Variants in CCDC7 observed in about 807,000 individuals in gnomAD.
CCDC7 encodes the protein coiled-coil domain containing 7.
In CCDC7, 183 loss-of-function variants were observed where a neutral mutation model predicts 196.9. The ratio of observed to expected loss-of-function variants is 0.93; its 90% CI spans 0.82 to 1.05. The LOEUF (loss-of-function observed/expected upper bound fraction) is 1.05, where lower values mean the gene tolerates loss of function less well. Ranked by LOEUF, CCDC7 falls within the 50% of genes least tolerant of loss-of-function variation. The pLI is 0.00. For synonymous variants in CCDC7, 525 were observed against 484.6 expected (o/e 1.08, Z -1.10); for missense variants, 1,540 against 1,482.2 (o/e 1.04, Z -0.64).
chr10:32,647,405 A>C (rs2067957813), intron 20 of CCDC7, among the ~76,000 whole-genome samples: 1 of 152,190 alleles, frequency 6.6e-6, no homozygotes. Context: ...GCTACCTGGG[A>C]GGCTCAGGCA....
chr10:32,486,123 T>C (rs550045177), intron 8 of CCDC7, among the ~76,000 whole-genome samples: 1 of 152,348 alleles, frequency 6.6e-6, no homozygotes, highest in South Asian at 2.1e-4. Context: ...TATTATTGTG[T>C]GGGAGTCTAC....
At chr10:32,681,692 A>T (rs2075867601) in intron 21 of CCDC7, among the ~76,000 whole-genome samples, 1 of 151,108 alleles carries the variant, frequency 6.6e-6, no homozygotes, top group Non-Finnish European at 1.5e-5. Context: ...GATCACACAA[A>T]AGCAGGGTTG....
At chr10:32,546,449 G>T (rs920633302) in intron 13 of CCDC7, among the ~76,000 whole-genome samples, 7 of 152,124 alleles carry the variant, frequency 4.6e-5, no homozygotes, top group African/African-American at 1.7e-4. Flanking sequence ...GGGAAATTGG[G>T]GTAGAGACAG....
At chr10:32,498,281 G>T (rs755423467) in intron 9 of CCDC7, among the ~76,000 whole-genome samples, 1 of 151,954 alleles carries the variant, frequency 6.6e-6, no homozygotes, top group Non-Finnish European at 1.5e-5. Flanking sequence ...GCCTATGTGT[G>T]TCTTTGCATG....
chr10:32,778,892 C>T, intron 28 of CCDC7, 85 bp from the exon 30 acceptor site: 4 of 928,744 alleles, frequency 4.3e-6, no homozygotes, highest in African/African-American at 1.7e-5. Context: ...AGATCTTTCA[C>T]CTTCTTGGTT....
chr10:32,772,161 G>A (rs947786941), intron 28 of CCDC7, among the ~76,000 whole-genome samples: 5 of 152,206 alleles, frequency 3.3e-5, no homozygotes, highest in Non-Finnish European at 1.5e-5. Flanking sequence ...CCCTGTGGGT[G>A]TTGGGGAATG....
chr10:32,716,717 T>C (rs2504340), intron 25 of CCDC7, among the ~76,000 whole-genome samples: 6,811 of 151,958 alleles, frequency 0.045, 209 homozygotes, highest in Non-Finnish European at 0.071. Context: ...ACCAAGCAAA[T>C]GGAAAACAGA....
At chr10:32,612,588 A>G (rs531734178) in intron 18 of CCDC7, among the ~76,000 whole-genome samples, 1 of 152,234 alleles carries the variant, frequency 6.6e-6, no homozygotes, top group African/African-American at 2.4e-5. Context: ...TTTAAGATAC[A>G]TTCCATCCAT....
intron 18 of CCDC7, among the ~76,000 whole-genome samples, chr10:32,599,543 T>G (rs1375484488): frequency 3.9e-5 from 6 of 152,148 alleles, no homozygotes; most frequent in Admixed American, 3.9e-4. Context: ...TTTTTCATAG[T>G]GTAACATTTT....
chr10:32,658,078 C>G (rs2070367631), intron 20 of CCDC7, among the ~76,000 whole-genome samples: 1 of 152,194 alleles, frequency 6.6e-6, no homozygotes, highest in Non-Finnish European at 1.5e-5. Flanking sequence ...TTGGCCAAAG[C>G]CATTTAACAA....
intron 18 of CCDC7, among the ~76,000 whole-genome samples, chr10:32,615,764 G>C (rs185482944): frequency 6.6e-6 from 1 of 152,168 alleles, no homozygotes; most frequent in East Asian, 1.9e-4. Context: ...ATGTCCAGAA[G>C]AGTTTTTCCT....
chr10:32,690,504 C>G (rs1211295771), intron 23 of CCDC7, among the ~76,000 whole-genome samples: 1 of 152,144 alleles, frequency 6.6e-6, no homozygotes, highest in Non-Finnish European at 1.5e-5. Context: ...ACTGTAGTCA[C>G]TTGTGTCTTT....
intron 41 of CCDC7, among the ~76,000 whole-genome samples, chr10:32,861,738 A>T (rs2093993932): frequency 1.3e-5 from 2 of 151,940 alleles, no homozygotes; most frequent in Admixed American, 1.3e-4. Context: ...AAAAAATCCC[A>T]TCAAAAAGTA....
exon 37 of CCDC7, chr10:32,846,423 A>C (rs1428597242): frequency 1.9e-6 from 3 of 1,600,952 alleles, no homozygotes; most frequent in Non-Finnish European, 2.6e-6. Flanking sequence ...AGATATAATA[A>C]AGGGACCAAT....
intron 9 of CCDC7, chr10:32,499,333 A>G (rs1237649562): frequency 6.6e-6 from 1 of 152,104 alleles, no homozygotes; most frequent in African/African-American, 2.4e-5. Flanking sequence ...AATGTTTGCA[A>G]TTCTAGGAGA....
At chr10:32,702,978 G>T (rs1250789953) in intron 24 of CCDC7, among the ~76,000 whole-genome samples, 3 of 152,136 alleles carry the variant, frequency 2.0e-5, no homozygotes, top group African/African-American at 7.2e-5. Flanking sequence ...CAATTTGCCA[G>T]TCTGTGTCTT....
At chr10:32,546,154 T>C (rs1211550059) in intron 13 of CCDC7, among the ~76,000 whole-genome samples, 2 of 152,200 alleles carry the variant, frequency 1.3e-5, no homozygotes, top group Non-Finnish European at 2.9e-5. Flanking sequence ...GACTCTAGCA[T>C]GCTGTTTATG....
intron 11 of CCDC7, among the ~76,000 whole-genome samples, chr10:32,538,591 G>C (rs2050885073): frequency 6.6e-6 from 1 of 152,134 alleles, no homozygotes; most frequent in Non-Finnish European, 1.5e-5. Context: ...TTCAGCTTTT[G>C]CCTATTCAAT....
intron 23 of CCDC7, among the ~76,000 whole-genome samples, chr10:32,691,232 C>T (rs944904732): frequency 6.6e-6 from 1 of 152,140 alleles, no homozygotes; most frequent in Non-Finnish European, 1.5e-5. Context: ...AAGGGAAGAG[C>T]ACTTTTATTA....
Sources: gnomAD v4.1 joint callset for allele counts (sites outside exome capture counted in the v4.1 genomes callset) on GRCh38, gnomAD v4.1.1 for gene constraint, MANE v1.5 for transcripts, NCBI Gene and HGNC (gene_info 2026-07-23, HGNC 2026-07-21) for gene names.